ABHD1: variants seen among roughly 807,000 people sequenced by gnomAD.
The protein encoded by ABHD1 is protein ABHD1.
In ABHD1, 47 loss-of-function variants were observed where a neutral mutation model predicts 41.4. That is an observed-to-expected ratio of 1.13 (90% CI 0.90 to 1.45). The LOEUF (loss-of-function observed/expected upper bound fraction) is 1.45, where lower values mean the gene tolerates loss of function less well. Ranked by LOEUF, ABHD1 falls within the 40% of genes most tolerant of loss-of-function variation. The pLI is 0.00. For missense variants in ABHD1, 550 were observed against 503.4 expected (o/e 1.09, Z -0.89); for synonymous variants, 205 against 203.7 (o/e 1.01, Z -0.05).
rs1672098836 is a variant in ABHD1, at chr2:27,129,020, T to C, written c.351T>C (p.Pro117=). 1 of 1,614,246 alleles carries C rather than the reference T, an allele frequency of 6.2e-7. No individual in the cohort carries two copies. Among genetic ancestry groups the C allele is most frequent in the Non-Finnish European group, 8.5e-7 (1 of 1,180,046 alleles). Residue 117 remains proline, a synonymous_variant, in exon 3 of 9, where the codon CCT becomes CCC. Transcript: ENST00000316470. ...WAKQPDSSQD[P]DPTTQPIVLL... is the part of the protein sequence containing the mutation. ...AGCAGCCTGACAGCAGCCAAGACCC[T>C]GATCCTACTACCCAGCCCATTGTGC...
chr2:27,125,225 T>C (rs1458158852), intron 1 of ABHD1: 6 of 152,060 alleles, frequency 3.9e-5, no homozygotes, highest in African/African-American at 9.6e-5. Flanking sequence ...ATACATCAGA[T>C]TTGGAAGGTC....
intron 2 of ABHD1, 60 bp downstream of exon 2, chr2:27,128,661 T>C: frequency 6.3e-7 from 1 of 1,593,594 alleles, no homozygotes; most frequent in Non-Finnish European, 8.6e-7. Flanking sequence ...AAAACCTATC[T>C]ACCACTTTTA....
chr2:27,128,665 A>T, intron 2 of ABHD1, 64 bp downstream of exon 2: 1 of 1,588,600 alleles, frequency 6.3e-7, no homozygotes, highest in Non-Finnish European at 8.6e-7. Context: ...CCTATCTACC[A>T]CTTTTAAAAT....
At position 27,128,329 on chromosome 2, in the gene ABHD1, G is replaced by A; in HGVS notation, c.115-112G>A. The A allele has an allele frequency of 3.1e-6, 4 of 1,292,278 alleles. 1 individual carries two copies. The South Asian group carries it at 4.8e-5, about 16-fold the overall frequency. The allele number at this position is 1,292,278 out of a possible 1,614,324, so 80.1% of individuals were successfully genotyped here. A position where few individuals can be genotyped will look rare whatever the true frequency, so the allele number is the denominator to read the frequency against. On this transcript the variant is annotated intron_variant, in intron 1 of 8. Transcript: ENST00000316470. ...AGTATCTCACATGCAGACAAAGCAG[G>A]GTCCTCCAGGCTGGGCTCTGGAGAG...
At chr2:27,129,176 T>A in intron 3 of ABHD1, 49 bp downstream of exon 3, 1 of 1,598,776 alleles carries the variant, frequency 6.3e-7, no homozygotes, top group Non-Finnish European at 8.5e-7. Context: ...AGAACGTGTA[T>A]TAGGGAGAAG....
intron 8 of ABHD1, 32 bp from the exon 9 acceptor site, chr2:27,130,501 G>T (rs1203196492): frequency 1.2e-6 from 2 of 1,611,834 alleles, no homozygotes; most frequent in Non-Finnish European, 1.7e-6. Context: ...CCCAGTGAAG[G>T]CCAGTGTTTC....
chr2:27,128,614 AGAACAGGGT>A lies in ABHD1; in HGVS notation c.275+19_275+27del. The A allele has an allele frequency of 6.2e-7, 1 of 1,612,508 alleles. No homozygotes were observed. Among genetic ancestry groups the A allele is most frequent in the Non-Finnish European group, 8.5e-7 (1 of 1,178,610 alleles). On this transcript the variant is annotated intron_variant, in intron 2 of 8. Coordinates refer to ENST00000316470, the MANE Select transcript of ABHD1 (RefSeq NM_032604.4). ...TCCTTTATCAGAGGTAAGAAGGGAC[AGAACAGGGT>A]GAACATGAAACCCCAGGTATCTAGG...
At chr2:27,124,768 G>C (rs1671887471) in intron 1 of ABHD1, 1 of 163,658 alleles carries the variant, frequency 6.1e-6, no homozygotes. Flanking sequence ...CTTTAAAAAG[G>C]TCTATAGGAG....
chr2:27,129,933 G>T lies in ABHD1; in HGVS notation c.791+6G>T, dbSNP rs760489485. On this transcript the variant is annotated splice_donor_region_variant and intron_variant, in intron 6 of 8. Coordinates refer to ENST00000316470, the MANE Select transcript of ABHD1 (RefSeq NM_032604.4). ...CTCTGCCAACTTGTGGAACGGTAGG[G>T]TCGTGGCAAGTGGGAGGAGGCAGTA... is the stretch of plus-strand genomic sequence containing the variant. 6.2e-7 allele frequency: 1 copy of T among 1,613,890 alleles called. No homozygotes were observed.
Position 27,128,514 on chromosome 2 carries a change from T to C in ABHD1, c.188T>C (p.Phe63Ser). ...EPHCSITTETFYPTLWCFEGR... is the reference protein window; with the variant it reads ...EPHCSITTETSYPTLWCFEGR... ...CACTGTTCCATCACCACCGAGACTT[T>C]CTACCCAACGCTGTGGTGTTTTGAG... is the stretch of plus-strand genomic sequence containing the variant. The change falls in exon 2 of 9, where the codon TTC becomes TCC. Residue 63 changes from phenylalanine (F) to serine (S), a missense_variant. By Grantham distance (155) the Phe-to-Ser change is radical. Coordinates refer to ENST00000316470, the MANE Select transcript of ABHD1 (RefSeq NM_032604.4). The C allele has an allele frequency of 6.2e-7, 1 of 1,614,172 alleles. No homozygotes were observed. The highest frequency in any genetic ancestry group is 8.5e-7 in the Non-Finnish European group (1 of 1,180,038).
Position 27,123,897 on chromosome 2 carries a change from C to G in ABHD1, c.-52C>G, listed in dbSNP as rs1164107713. The G allele has an allele frequency of 5.3e-6, 8 of 1,519,816 alleles. No individual in the cohort carries two copies. The highest frequency in any genetic ancestry group is 7.3e-6 in the Non-Finnish European group (8 of 1,102,752). 94.1% of individuals were successfully genotyped at this position (1,519,816 alleles called of 1,614,324 possible). A position where few individuals can be genotyped will look rare whatever the true frequency, so the allele number is the denominator to read the frequency against. On this transcript the variant is annotated 5_prime_UTR_variant, in exon 1 of 9. Coordinates refer to ENST00000316470, the MANE Select transcript of ABHD1 (RefSeq NM_032604.4). The stretch of plus-strand genomic sequence containing the variant: ...GGCGGGTGGGACCGCGAGTTACAGC[C>G]GGCCAACTGGGGCCAGCCAGGAGCC...
intron 1 of ABHD1, among the ~76,000 whole-genome samples, chr2:27,127,599 A>G (rs1672024276): frequency 6.8e-6 from 1 of 146,786 alleles, no homozygotes; most frequent in South Asian, 2.2e-4. Context: ...GTCTCGCTCT[A>G]TCACCAGGCT....
chr2:27,124,540 T>C, intron 1 of ABHD1: 1 of 312,788 alleles, frequency 3.2e-6, no homozygotes, highest in Non-Finnish European at 6.2e-6. Flanking sequence ...TGACCCCAAC[T>C]GTCCTTGCTC....
In ABHD1 at chr2:27,128,880, G is replaced by T; in HGVS notation, c.276-65G>T. ...GACTTGTTTGTGGGTGGGGCAGGGG[G>T]CAAAGCTTTTGAATTACATTAAGTT... On this transcript the variant is annotated intron_variant, in intron 2 of 8. Transcript: ENST00000316470. The T allele has an allele frequency of 1.9e-6, 3 of 1,546,144 alleles. No individual in the cohort carries two copies. In the South Asian group the frequency reaches 3.7e-5, roughly 19 times the overall value.
chr2:27,129,261 A>G (rs746082867), intron 3 of ABHD1, 55 bp from the exon 4 acceptor site: 5 of 1,610,094 alleles, frequency 3.1e-6, no homozygotes, highest in Non-Finnish European at 2.5e-6. Flanking sequence ...CTGAATACTG[A>G]AAGGGGAGAG....
intron 1 of ABHD1, chr2:27,124,382 GTCTT>G (rs1246638644): frequency 2.5e-6 from 1 of 406,048 alleles, no homozygotes; most frequent in Admixed American, 2.9e-5. Flanking sequence ...GTTTAGCTGA[GTCTT>G]TCAGCTGCAC....
intron 1 of ABHD1, chr2:27,126,517 G>T (rs1448195682): frequency 6.6e-6 from 1 of 152,238 alleles, no homozygotes; most frequent in Non-Finnish European, 1.5e-5. Flanking sequence ...GCCCACTGCG[G>T]ATATGCAGTT....
In ABHD1 at chr2:27,130,611, TGG is replaced by T. The variant is rs1433569584; in HGVS notation, c.1086_1087del (p.Glu363ArgfsTer30). 6.2e-7 allele frequency: 1 copy of T among 1,614,192 alleles called. No individual in the cohort carries two copies. The highest frequency in any genetic ancestry group is 2.2e-5 in the East Asian group (1 of 44,878). ...GCCCGGGGTGGCCACATCGGCTTCC[TGG>T]AAGGGCTGCTCCCGTGGCAGCACTG... On this transcript the variant is annotated frameshift_variant, in exon 9 of 9. Coordinates refer to ENST00000316470, the MANE Select transcript of ABHD1 (RefSeq NM_032604.4). LOFTEE classifies it low-confidence loss of function (END_TRUNC).
intron 1 of ABHD1, chr2:27,125,212 T>C (rs1671911291): frequency 6.6e-6 from 1 of 152,078 alleles, no homozygotes; most frequent in African/African-American, 2.4e-5. Context: ...TAGGCCTCAC[T>C]TTATACATCA....
Sources: gnomAD v4.1 joint callset for allele counts (sites outside exome capture counted in the v4.1 genomes callset) on GRCh38, gnomAD v4.1.1 for gene constraint, MANE v1.5 for transcripts, NCBI Gene and HGNC (gene_info 2026-07-23, HGNC 2026-07-21) for gene names.